Variants in PRUNE2 observed in about 807,000 individuals in gnomAD.
PRUNE2 encodes the protein protein prune homolog 2.
Under a neutral mutation model 252.0 loss-of-function variants are expected in PRUNE2, and 164 were observed. The observed-to-expected ratio is 0.65, with a 90% confidence interval of 0.57 to 0.74. PRUNE2 has a LOEUF of 0.74. Ranked by LOEUF, PRUNE2 falls within the 30% of genes least tolerant of loss-of-function variation. PRUNE2 has a pLI of 0.00. For synonymous variants in PRUNE2, 1,292 were observed against 1,350.2 expected, an observed-to-expected ratio of 0.96 and a Z score of 0.94; for missense variants, 3,495 against 3,711.0, an observed-to-expected ratio of 0.94 and a Z score of 1.51.
intron 6 of PRUNE2, among the ~76,000 whole-genome samples, chr9:76,770,935 A>C (rs1480468928): frequency 6.6e-6 from 1 of 152,170 alleles, no homozygotes; most frequent in East Asian, 1.9e-4. Context: ...AAATCTGAAA[A>C]AGAAGAATTA....
intron 1 of PRUNE2, chr9:76,862,911 G>A (rs2060634165): frequency 6.6e-6 from 1 of 152,090 alleles, no homozygotes; most frequent in African/African-American, 2.4e-5. Flanking sequence ...TGTGGCCATA[G>A]ATGACTTCTG....
intron 6 of PRUNE2, among the ~76,000 whole-genome samples, chr9:76,799,590 G>T (rs982944924): frequency 2.0e-4 from 30 of 152,140 alleles, no homozygotes; most frequent in African/African-American, 7.2e-4. Context: ...GTTACATCAT[G>T]TTGGGTCCAG....
rs542436100 is a variant in PRUNE2, at chr9:76,652,744, A to T, written c.8357-61T>A. 19 of 1,248,392 alleles carry T rather than the reference A, an allele frequency of 1.5e-5. No individual in the cohort carries two copies. The African/African-American group carries it at 2.8e-4, about 19-fold the overall frequency. 77.3% of individuals were successfully genotyped at this position (1,248,392 alleles called of 1,614,324 possible). A position where few individuals can be genotyped will look rare whatever the true frequency, so the allele number is the denominator to read the frequency against. On this transcript the variant is annotated intron_variant, in intron 10 of 18. Transcript: ENST00000376718. ...AACCAGAGGAGCAATCTAAATCAAA[A>T]ATTTCAAAATCCCAAATGCTCCAAA... is the stretch of plus-strand genomic sequence containing the variant.
At chr9:76,763,051 A>G (rs2051909885) in intron 6 of PRUNE2, among the ~76,000 whole-genome samples, 1 of 152,068 alleles carries the variant, frequency 6.6e-6, no homozygotes, top group Admixed American at 6.6e-5. Flanking sequence ...CTCGTGCACC[A>G]TCTCCCCTTC....
intron 17 of PRUNE2, among the ~76,000 whole-genome samples, chr9:76,621,684 CT>C (rs926873440): frequency 2.9e-4 from 43 of 149,836 alleles, no homozygotes; most frequent in Admixed American, 1.0e-3. Context: ...GAAATGCAGA[CT>C]TTTTTTTTTC....
intron 9 of PRUNE2, among the ~76,000 whole-genome samples, chr9:76,699,489 T>C (rs778708335): frequency 3.9e-5 from 6 of 152,200 alleles, no homozygotes; most frequent in Non-Finnish European, 7.3e-5. Flanking sequence ...AAGGTCTTAA[T>C]AGCAAAGTCT....
intron 6 of PRUNE2, among the ~76,000 whole-genome samples, chr9:76,724,945 A>G (rs2047982356): frequency 6.6e-6 from 1 of 152,180 alleles, no homozygotes; most frequent in Admixed American, 6.5e-5. Context: ...CTCATTAGCC[A>G]TGCTCTATTT....
At chr9:76,681,068 A>G (rs2043374264) in intron 9 of PRUNE2, among the ~76,000 whole-genome samples, 1 of 152,216 alleles carries the variant, frequency 6.6e-6, no homozygotes, top group Non-Finnish European at 1.5e-5. Flanking sequence ...TACACGAAAT[A>G]TTATTCAGCC....
intron 9 of PRUNE2, chr9:76,700,274 T>C (rs2045770292): frequency 6.6e-6 from 1 of 152,258 alleles, no homozygotes; most frequent in Non-Finnish European, 1.5e-5. Flanking sequence ...TGAGTCATAT[T>C]GCACATACTA....
intron 6 of PRUNE2, among the ~76,000 whole-genome samples, chr9:76,793,940 G>T (rs1052079144): frequency 1.3e-5 from 2 of 152,142 alleles, no homozygotes; most frequent in African/African-American, 4.8e-5. Flanking sequence ...TCAAAAAGGC[G>T]TGGGCTATAA....
At chr9:76,625,841 T>C (rs1218639651) in intron 16 of PRUNE2, among the ~76,000 whole-genome samples, 1 of 152,196 alleles carries the variant, frequency 6.6e-6, no homozygotes, top group Non-Finnish European at 1.5e-5. Flanking sequence ...CTCATTTTTG[T>C]ATTTTTCCTT....
At chr9:76,897,688 T>A (rs367903787) in intron 1 of PRUNE2, among the ~76,000 whole-genome samples, 3 of 152,018 alleles carry the variant, frequency 2.0e-5, no homozygotes, top group Non-Finnish European at 4.4e-5. Context: ...AGTGCTAGGA[T>A]TACAGGCATG....
chr9:76,693,652 G>A (rs113557214), intron 9 of PRUNE2, among the ~76,000 whole-genome samples: 3 of 151,818 alleles, frequency 2.0e-5, no homozygotes, highest in Admixed American at 1.3e-4. Flanking sequence ...TCATATTGGT[G>A]AGACTGGTCT....
At chr9:76,818,548 C>A (rs1047154896) in intron 6 of PRUNE2, among the ~76,000 whole-genome samples, 3 of 152,232 alleles carry the variant, frequency 2.0e-5, no homozygotes, top group Non-Finnish European at 4.4e-5. Flanking sequence ...CCAGGCTTCA[C>A]ACAGCAGAGT....
intron 9 of PRUNE2, among the ~76,000 whole-genome samples, chr9:76,693,826 A>G (rs1413491051): frequency 6.6e-6 from 1 of 152,192 alleles, no homozygotes; most frequent in East Asian, 1.9e-4. Context: ...AGCCTACAAA[A>G]TTCTTCATAA....
At position 76,613,983 on chromosome 9, in the gene PRUNE2, G is replaced by A. The variant is rs916311716; in HGVS notation, c.*587C>T. ...TGACAACTAAAATAAAGTTGACGTG[G>A]ATTAGAAAGCCCGGCTTCCCTTTGA... On this transcript the variant is annotated 3_prime_UTR_variant, in exon 19 of 19. Transcript: ENST00000376718. 1 of 152,224 alleles carries A rather than the reference G, an allele frequency of 6.6e-6. No individual in the cohort carries two copies. The highest frequency in any genetic ancestry group is 1.9e-4 in the East Asian group (1 of 5,198). 9.4% of individuals were successfully genotyped at this position (152,224 alleles called of 1,614,324 possible). A position where few individuals can be genotyped will look rare whatever the true frequency, so the allele number is the denominator to read the frequency against.
At chr9:76,861,067 C>T (rs1048797744) in intron 1 of PRUNE2, among the ~76,000 whole-genome samples, 1 of 152,182 alleles carries the variant, frequency 6.6e-6, no homozygotes, top group Non-Finnish European at 1.5e-5. Flanking sequence ...CTAACTCAAA[C>T]CCAGTCACAG....
At chr9:76,623,295 T>C (rs1374681805) in intron 17 of PRUNE2, among the ~76,000 whole-genome samples, 1 of 148,270 alleles carries the variant, frequency 6.7e-6, no homozygotes, top group East Asian at 2.0e-4. Flanking sequence ...AGAGAATGAC[T>C]GGATTTTTTT....
chr9:76,703,956 C>A lies in PRUNE2; in HGVS notation c.7657G>T (p.Val2553Leu), dbSNP rs183450874. The change falls in exon 9 of 19, where the codon GTA (valine) becomes TTA (leucine). Residue 2553 changes from valine to leucine, a missense_variant. Physicochemically the swap from Val to Leu is conservative, Grantham distance 32 (BLOSUM62 1). Coordinates refer to ENST00000376718, the MANE Select transcript of PRUNE2 (RefSeq NM_015225.3). ...RHALHMDYILVNREENSHSKP... is the reference protein window; with the variant it reads ...RHALHMDYILLNREENSHSKP... Reference sequence around the variant, plus strand: ...GAGTGTGAATTTTCTTCACGGTTTACAAGTATGTAATCCATGTGTAGTGCA... The same window carrying A: ...GAGTGTGAATTTTCTTCACGGTTTAAAAGTATGTAATCCATGTGTAGTGCA... The A allele has an allele frequency of 2.4e-5, 38 of 1,613,978 alleles. No individual in the cohort carries two copies. The African/African-American group carries it at 3.7e-4, about 16-fold the overall frequency.
Sources: gnomAD v4.1 joint callset for allele counts (sites outside exome capture counted in the v4.1 genomes callset) on GRCh38, gnomAD v4.1.1 for gene constraint, MANE v1.5 for transcripts, NCBI Gene and HGNC (gene_info 2026-07-23, HGNC 2026-07-21) for gene names.